The following SLCO2B1 variants were observed in gnomAD, a reference collection of about 807,000 sequenced individuals.
The protein encoded by SLCO2B1 is solute carrier organic anion transporter family member 2B1.
Under a neutral mutation model 67.3 loss-of-function variants are expected in SLCO2B1, and 41 were observed. The observed-to-expected ratio is 0.61, with a 90% CI of 0.47 to 0.79. SLCO2B1 has a LOEUF of 0.79. Among genes scored for constraint, SLCO2B1 ranks in the 30% least tolerant of loss-of-function variants. The probability of loss-of-function intolerance (pLI) is 0.00; values close to 1 mark genes in which losing one functional copy is unlikely to be tolerated. For missense variants in SLCO2B1, 837 were observed against 920.1 expected, an observed-to-expected ratio of 0.91 and a Z score of 1.17; for synonymous variants, 379 against 381.4, an observed-to-expected ratio of 0.99 and a Z score of 0.07.
chr11:75,164,771 C>A (rs931238115), intron 3 of SLCO2B1, among the ~76,000 whole-genome samples: 1 of 152,174 alleles, frequency 6.6e-6, no homozygotes, highest in Non-Finnish European at 1.5e-5. Context: ...AACCCAAGGC[C>A]GTCCAGCTGC....
chr11:75,161,707 C>T (rs993530567), intron 1 of SLCO2B1, among the ~76,000 whole-genome samples: 1 of 152,130 alleles, frequency 6.6e-6, no homozygotes, highest in Non-Finnish European at 1.5e-5. Context: ...AGTGGAGCCG[C>T]AGAAGGGGAG....
At chr11:75,177,462 A>G (rs1013990310) in intron 7 of SLCO2B1, among the ~76,000 whole-genome samples, 12 of 152,184 alleles carry the variant, frequency 7.9e-5, no homozygotes, top group African/African-American at 2.9e-4. Flanking sequence ...GGGGTTAGAC[A>G]CATGTCATGC....
intron 13 of SLCO2B1, 37 bp downstream of exon 13, chr11:75,203,464 G>A: frequency 6.2e-7 from 1 of 1,612,090 alleles, no homozygotes; most frequent in Non-Finnish European, 8.5e-7. Flanking sequence ...GAAGGGTGCT[G>A]GAAATACTCT....
At chr11:75,156,766 C>A (rs1016111651) in intron 1 of SLCO2B1, among the ~76,000 whole-genome samples, 1 of 152,212 alleles carries the variant, frequency 6.6e-6, no homozygotes, top group African/African-American at 2.4e-5. Context: ...ATGGTTATTT[C>A]ATGATGATAT....
chr11:75,160,711 G>T (rs74666078), intron 1 of SLCO2B1, among the ~76,000 whole-genome samples: 23 of 152,236 alleles, frequency 1.5e-4, no homozygotes, highest in African/African-American at 5.5e-4. Context: ...TTTATGCCCC[G>T]CAGAGGGACT....
intron 1 of SLCO2B1, chr11:75,159,812 C>T (rs902644697): frequency 9.2e-5 from 91 of 983,970 alleles, no homozygotes; most frequent in Non-Finnish European, 1.0e-4. Flanking sequence ...TAAAGTACTC[C>T]CAGGAAGGCT....
At chr11:75,159,947 T>C in intron 1 of SLCO2B1, 1 of 785,022 alleles carries the variant, frequency 1.3e-6, no homozygotes. Flanking sequence ...GCCAGGGGGC[T>C]GGAACTGGGG....
chr11:75,169,451 C>T (rs1473008943), intron 5 of SLCO2B1, 45 bp downstream of exon 5: 10 of 1,502,670 alleles, frequency 6.7e-6, no homozygotes, highest in African/African-American at 2.8e-5. Context: ...TCAGGCCAGG[C>T]TCAACTAGGA....
At chr11:75,161,534 A>G (rs763945477) in intron 1 of SLCO2B1, among the ~76,000 whole-genome samples, 35 of 152,178 alleles carry the variant, frequency 2.3e-4, no homozygotes, top group Non-Finnish European at 4.6e-4. Context: ...GGGCCTCCGT[A>G]GCCCCCTCCC....
At chr11:75,203,533 G>T in intron 13 of SLCO2B1, 106 bp downstream of exon 13, 1 of 1,401,770 alleles carries the variant, frequency 7.1e-7, no homozygotes, top group Non-Finnish European at 9.9e-7. Context: ...CTACCTGCTA[G>T]GTGACAGGTG....
At chr11:75,169,601 G>A (rs1708056215) in intron 5 of SLCO2B1, 65 bp from the exon 6 acceptor site, 5 of 1,411,194 alleles carry the variant, frequency 3.5e-6, no homozygotes, top group Non-Finnish European at 4.9e-6. Flanking sequence ...TCAGAGACTG[G>A]GCAAGCACTG....
At chr11:75,200,503 C>G in intron 11 of SLCO2B1, 116 bp downstream of exon 11, 1 of 1,042,910 alleles carries the variant, frequency 9.6e-7, no homozygotes, top group Non-Finnish European at 1.4e-6. Flanking sequence ...TGTCCTGGCC[C>G]CCACAATATG....
chr11:75,168,230 C>T (rs1949916319), intron 4 of SLCO2B1, among the ~76,000 whole-genome samples: 1 of 152,152 alleles, frequency 6.6e-6, no homozygotes, highest in Non-Finnish European at 1.5e-5. Context: ...GATGAAGAAA[C>T]CAAGGCCCAG....
intron 2 of SLCO2B1, 45 bp from the exon 3 acceptor site, chr11:75,163,917 TC>T: frequency 6.4e-7 from 1 of 1,554,310 alleles, no homozygotes; most frequent in Non-Finnish European, 8.7e-7. Flanking sequence ...CCTCTTTGTC[TC>T]CCCCTGCACC....
intron 7 of SLCO2B1, among the ~76,000 whole-genome samples, chr11:75,183,143 A>G (rs1392386281): frequency 4.6e-5 from 7 of 152,266 alleles, no homozygotes; most frequent in Admixed American, 1.3e-4. Flanking sequence ...CAAAAGTAAA[A>G]GAAATTAATT....
rs991860832 is a variant in SLCO2B1 at position 75,206,371 on chromosome 11, G to A, written c.*1791G>A. The A allele has an allele frequency of 7.2e-5, 11 of 152,140 alleles. No individual in the cohort carries two copies. Among genetic ancestry groups the A allele is most frequent in the African/African-American group, 2.7e-4 (11 of 41,414 alleles). 9.4% of individuals were successfully genotyped at this position (152,140 alleles called of 1,614,324 possible). ...ACTGGATTCATTGCTCACCATTATT[G>A]CTTGTATATTACATCTTTTCCAATC... On this transcript the variant is annotated 3_prime_UTR_variant, in exon 14 of 14. Transcript: ENST00000289575.
At chr11:75,155,383 A>G (rs1393387814) in intron 1 of SLCO2B1, among the ~76,000 whole-genome samples, 1 of 151,936 alleles carries the variant, frequency 6.6e-6, no homozygotes, top group Non-Finnish European at 1.5e-5. Context: ...ACTCATGCAC[A>G]CCACCGCAGT....
chr11:75,199,052 G>A (rs1243258163), intron 10 of SLCO2B1, among the ~76,000 whole-genome samples: 2 of 152,222 alleles, frequency 1.3e-5, no homozygotes, highest in African/African-American at 4.8e-5. Flanking sequence ...AAAAGGAGCA[G>A]GGGCAGGATG....
intron 1 of SLCO2B1, among the ~76,000 whole-genome samples, chr11:75,159,148 G>A (rs914119905): frequency 8.5e-5 from 13 of 152,290 alleles, no homozygotes; most frequent in Admixed American, 5.9e-4. Context: ...TCTCCTGAAA[G>A]ACAGTAGCCC....
Sources: allele counts gnomAD v4.1 joint callset (sites outside exome capture counted in the v4.1 genomes callset), GRCh38; gene constraint gnomAD v4.1.1; transcripts MANE v1.5; gene names NCBI Gene and HGNC (gene_info 2026-07-23, HGNC 2026-07-21).